The following WDR72 variants were observed in gnomAD, a reference collection of about 807,000 sequenced individuals.
The protein encoded by WDR72 is WD repeat domain 72.
WDR72 carries 120 observed loss-of-function variants against 124.2 expected under a neutral mutation model. The observed-to-expected ratio is 0.97, with a 90% CI of 0.83 to 1.12. The LOEUF (loss-of-function observed/expected upper bound fraction) is 1.12, where lower values mean the gene tolerates loss of function less well. Among genes scored for constraint, WDR72 ranks in the 50% most tolerant of loss-of-function variants. The probability of loss-of-function intolerance (pLI) is 0.00; values close to 1 mark genes in which losing one functional copy is unlikely to be tolerated. For missense variants in WDR72, 1,387 were observed against 1,278.8 expected (o/e 1.08, Z -1.29); for synonymous variants, 452 against 441.7 (o/e 1.02, Z -0.29).
At chr15:53,563,622 T>C (rs1447485052) in intron 18 of WDR72, among the ~76,000 whole-genome samples, 1 of 151,760 alleles carries the variant, frequency 6.6e-6, no homozygotes, top group Non-Finnish European at 1.5e-5. Context: ...GGTGAAGCTG[T>C]TTGCTAAATG....
At chr15:53,743,937 T>C (rs2018576141) in intron 1 of WDR72, among the ~76,000 whole-genome samples, 1 of 148,664 alleles carries the variant, frequency 6.7e-6, no homozygotes, top group Admixed American at 6.8e-5. Flanking sequence ...ATCGCGCCAC[T>C]GCAGCCCGGC....
chr15:53,573,638 C>G (rs192967393), intron 18 of WDR72, among the ~76,000 whole-genome samples: 45 of 152,188 alleles, frequency 3.0e-4, no homozygotes, highest in African/African-American at 9.9e-4. Context: ...CTCCACCTCC[C>G]GTGTTCAAGC....
intron 18 of WDR72, among the ~76,000 whole-genome samples, chr15:53,569,267 G>A (rs2140303060): frequency 1.3e-5 from 2 of 151,996 alleles, no homozygotes; most frequent in East Asian, 3.9e-4. Flanking sequence ...CAAGACCTGG[G>A]ACACACTATT....
Position 53,616,177 on chromosome 15 carries a change from C to T in WDR72, c.2029G>A (p.Val677Ile), listed in dbSNP as rs747991720. 1.0e-5 allele frequency: 16 copies of T among 1,607,620 alleles called. No homozygotes were observed. In the Admixed American group the frequency reaches 1.5e-4, roughly 15 times the overall value. The stretch of plus-strand genomic sequence containing the variant: ...TCAAATAGAAGAATATGAAAGCCAA[C>T]GTTACTCCATTTTGTCTTCACAGGC... ...VLPVKTKWSN[V>I]GFHILLFDLE... is the part of the protein sequence containing the mutation. Residue 677 changes from valine (V) to isoleucine (I), a missense_variant, in exon 15 of 20, where the codon GTT becomes ATT. Coordinates refer to ENST00000360509, the MANE Select transcript of WDR72 (RefSeq NM_182758.4).
intron 13 of WDR72, among the ~76,000 whole-genome samples, chr15:53,674,562 G>T (rs1196720328): frequency 6.6e-6 from 1 of 152,156 alleles, no homozygotes; most frequent in Non-Finnish European, 1.5e-5. Context: ...TAATGGAAGG[G>T]TGGGGAAAGG....
At chr15:53,693,895 G>A (rs2016921593) in intron 13 of WDR72, among the ~76,000 whole-genome samples, 1 of 152,160 alleles carries the variant, frequency 6.6e-6, no homozygotes, top group Non-Finnish European at 1.5e-5. Flanking sequence ...ATCAGAGGCT[G>A]GGTGCTCATG....
intron 1 of WDR72, among the ~76,000 whole-genome samples, chr15:53,743,539 T>C (rs74015920): frequency 0.061 from 9,311 of 152,270 alleles, 995 homozygotes; most frequent in African/African-American, 0.21. Context: ...TACTTGCGAA[T>C]GATTTTTAGC....
At chr15:53,759,433 A>T (rs964449718) in intron 1 of WDR72, 200 bp downstream of exon 1, 1 of 133,168 alleles carries the variant, frequency 7.5e-6, no homozygotes, top group African/African-American at 2.6e-5. Flanking sequence ...GCAAGAACTT[A>T]GAGCAAAGGA....
chr15:53,661,784 T>C (rs1463688850), intron 14 of WDR72, among the ~76,000 whole-genome samples: 1 of 152,154 alleles, frequency 6.6e-6, no homozygotes, highest in Non-Finnish European at 1.5e-5. Context: ...ACTAACCACA[T>C]TTCAAATACT....
In WDR72 at chr15:53,529,165, T is replaced by TATATATATATA. The variant is rs1555404361; in HGVS notation, c.3149-5844_3149-5843insTATATATATAT. On this transcript the variant is annotated intron_variant, in intron 18 of 19. Coordinates refer to ENST00000360509, the MANE Select transcript of WDR72 (RefSeq NM_182758.4). The stretch of plus-strand genomic sequence containing the variant: ...TAGCCCATATATATATATATATATA[T>TATATATATATA]TTTTTTTTTTTTTTTTAAAAGAATA... Among the ~76,000 whole-genome samples, 546 of 88,864 alleles carry TATATATATATA rather than the reference T, an allele frequency of 6.1e-3. 2 individuals are homozygous for TATATATATATA. The highest frequency in any genetic ancestry group is 0.012 in the South Asian group (31 of 2,548). The allele number at this position is 88,864 out of a possible 152,430, so 58.3% of individuals were successfully genotyped here. A position where few individuals can be genotyped will look rare whatever the true frequency, so the allele number is the denominator to read the frequency against.
chr15:53,692,984 C>T (rs776848503), intron 13 of WDR72, among the ~76,000 whole-genome samples: 4 of 152,026 alleles, frequency 2.6e-5, no homozygotes, highest in African/African-American at 4.8e-5. Flanking sequence ...AACATGGCTT[C>T]GAGAAAATGA....
At chr15:53,717,184 AATC>A (rs1467489436) in intron 3 of WDR72, among the ~76,000 whole-genome samples, 1 of 151,998 alleles carries the variant, frequency 6.6e-6, no homozygotes, top group Non-Finnish European at 1.5e-5. Flanking sequence ...GAAATCCTAA[AATC>A]ATCCTTGCCA....
intron 18 of WDR72, among the ~76,000 whole-genome samples, chr15:53,547,991 C>T (rs1270741264): frequency 6.6e-6 from 1 of 152,186 alleles, no homozygotes; most frequent in Non-Finnish European, 1.5e-5. Context: ...AGGTTGATGA[C>T]GTCTTTGTAA....
At chr15:53,665,298 C>T (rs531286528) in intron 14 of WDR72, among the ~76,000 whole-genome samples, 18 of 152,094 alleles carry the variant, frequency 1.2e-4, no homozygotes, top group African/African-American at 4.1e-4. Flanking sequence ...AATGTTTTCC[C>T]TTCCTTATGT....
intron 1 of WDR72, among the ~76,000 whole-genome samples, chr15:53,740,464 C>T (rs1391341183): frequency 3.3e-5 from 5 of 152,102 alleles, no homozygotes; most frequent in African/African-American, 9.7e-5. Flanking sequence ...CCCACCACCG[C>T]GCCCGGCTAA....
intron 18 of WDR72, among the ~76,000 whole-genome samples, chr15:53,595,463 G>A (rs921832471): frequency 1.3e-5 from 2 of 152,116 alleles, no homozygotes; most frequent in African/African-American, 2.4e-5. Context: ...CCTCAAATAT[G>A]AGTAAGCCAA....
chr15:53,594,662 C>T (rs2012680623), intron 18 of WDR72, among the ~76,000 whole-genome samples: 1 of 148,510 alleles, frequency 6.7e-6, no homozygotes, highest in South Asian at 2.1e-4. Context: ...AATGGTGGTG[C>T]TTGCCTATAG....
At chr15:53,683,063 A>G (rs2016454929) in intron 13 of WDR72, among the ~76,000 whole-genome samples, 2 of 152,104 alleles carry the variant, frequency 1.3e-5, no homozygotes, top group African/African-American at 4.8e-5. Context: ...AAATACTTTT[A>G]AAACCATTAG....
intron 1 of WDR72, among the ~76,000 whole-genome samples, chr15:53,740,501 G>T (rs2018481506): frequency 6.6e-6 from 1 of 151,964 alleles, no homozygotes; most frequent in African/African-American, 2.4e-5. Flanking sequence ...CAGAGAACGG[G>T]GTTTCACCGT....
Sources: gnomAD v4.1 joint callset for allele counts (sites outside exome capture counted in the v4.1 genomes callset) on GRCh38, gnomAD v4.1.1 for gene constraint, MANE v1.5 for transcripts, NCBI Gene and HGNC (gene_info 2026-07-23, HGNC 2026-07-21) for gene names.